The following NINJ2 variants were observed in gnomAD, a reference collection of about 807,000 sequenced individuals.
NINJ2 encodes ninjurin-2.
Under a neutral mutation model 11.7 loss-of-function variants are expected in NINJ2, and 12 were observed. That is an observed-to-expected ratio of 1.02 (90% CI 0.66 to 1.66). The LOEUF (loss-of-function observed/expected upper bound fraction) is 1.66. NINJ2 is among the 40% of genes most tolerant of loss of function. NINJ2 has a pLI of 0.00. For synonymous variants in NINJ2, 93 were observed against 76.8 expected (o/e 1.21, Z -1.10); for missense variants, 187 against 181.8 (o/e 1.03, Z -0.16).
chr12:609,565 C>T (rs1244264722), intron 1 of NINJ2, among the ~76,000 whole-genome samples: 2 of 151,906 alleles, frequency 1.3e-5, no homozygotes, highest in Non-Finnish European at 2.9e-5. Context: ...GTCAGGAGAT[C>T]GAGACCATCC....
At chr12:603,447 T>C (rs1947898570) in intron 1 of NINJ2, among the ~76,000 whole-genome samples, 1 of 152,106 alleles carries the variant, frequency 6.6e-6, no homozygotes. Context: ...ATTTTTCCTC[T>C]GTTACAGTGC....
At chr12:618,095 G>A (rs1486782158) in intron 1 of NINJ2, among the ~76,000 whole-genome samples, 1 of 151,638 alleles carries the variant, frequency 6.6e-6, no homozygotes, top group African/African-American at 2.4e-5. Context: ...AGGGTGCTAG[G>A]TGGCAGCAAC....
intron 2 of NINJ2, 101 bp downstream of exon 2, chr12:565,849 G>A: frequency 9.7e-7 from 1 of 1,028,466 alleles, no homozygotes; most frequent in Non-Finnish European, 1.5e-6. Context: ...TGGTTGCAAA[G>A]CTGCCTGTGC....
chr12:639,902 C>G (rs1342588043), intron 1 of NINJ2, among the ~76,000 whole-genome samples: 1 of 152,152 alleles, frequency 6.6e-6, no homozygotes, highest in Non-Finnish European at 1.5e-5. Flanking sequence ...TATAAGGTTC[C>G]TAGGATTCTG....
chr12:577,439 A>ATGTATATATATATATACATATATATGTG (rs1947481992), intron 1 of NINJ2, among the ~76,000 whole-genome samples: 1 of 63,760 alleles, frequency 1.6e-5, no homozygotes, highest in African/African-American at 5.1e-5. Flanking sequence ...ACATATATAT[A>ATGTATATATATATATACATATATATGTG]TATAAATATT....
chr12:566,881 G>A (rs983396491), intron 1 of NINJ2, among the ~76,000 whole-genome samples: 5 of 152,208 alleles, frequency 3.3e-5, no homozygotes, highest in African/African-American at 4.8e-5. Flanking sequence ...TTCTCCAGAA[G>A]CCACTAACTC....
intron 1 of NINJ2, among the ~76,000 whole-genome samples, chr12:620,683 G>T (rs1948143633): frequency 6.6e-6 from 1 of 152,176 alleles, no homozygotes; most frequent in Non-Finnish European, 1.5e-5. Context: ...AGGCTGGAGT[G>T]CAGTGGCGCA....
chr12:621,623 C>T (rs1172080215), intron 1 of NINJ2, among the ~76,000 whole-genome samples: 1 of 147,914 alleles, frequency 6.8e-6, no homozygotes, highest in Non-Finnish European at 1.5e-5. Context: ...TCAAGACCAT[C>T]CTGGCCAACA....
intron 1 of NINJ2, among the ~76,000 whole-genome samples, chr12:570,466 A>G (rs1947361191): frequency 6.6e-6 from 1 of 152,072 alleles, no homozygotes; most frequent in African/African-American, 2.4e-5. Context: ...ACTGGGAGCA[A>G]CTCCACAGGG....
At position 629,896 on chromosome 12, in the gene NINJ2, A is replaced by AATATATAT. The variant is rs1160871577; in HGVS notation, c.33+33424_33+33431dup. Among the ~76,000 whole-genome samples, 63 of 9,842 alleles carry AATATATAT rather than the reference A, an allele frequency of 6.4e-3. 2 individuals are homozygous for AATATATAT. In the East Asian group the frequency reaches 0.065, roughly 10 times the overall value. The allele number at this position is 9,842 out of a possible 152,430, so 6.5% of individuals were successfully genotyped here. On this transcript the variant is annotated intron_variant, in intron 1 of 3. Transcript: ENST00000305108. ...GAGCAAAACTCAAAAAAAAAAAAAAAATATATATATATATATATATATATA... is the reference window on the plus strand; with the variant it reads ...GAGCAAAACTCAAAAAAAAAAAAAAAATATATATATATATATATATATATATATATATA...
chr12:624,023 G>A (rs1372960717), intron 1 of NINJ2, among the ~76,000 whole-genome samples: 3 of 152,132 alleles, frequency 2.0e-5, no homozygotes, highest in South Asian at 2.1e-4. Flanking sequence ...GTGACAGAGC[G>A]AGACTCTGTC....
chr12:624,651 T>C (rs1350694374), intron 1 of NINJ2, among the ~76,000 whole-genome samples: 3 of 151,358 alleles, frequency 2.0e-5, no homozygotes, highest in African/African-American at 7.3e-5. Flanking sequence ...CTACTAAAAA[T>C]ACAAACAATT....
intron 1 of NINJ2, among the ~76,000 whole-genome samples, chr12:641,620 G>T (rs1332243087): frequency 6.6e-6 from 1 of 152,094 alleles, no homozygotes; most frequent in African/African-American, 2.4e-5. Context: ...CGAGGCAGGC[G>T]GATCACAAGG....
intron 1 of NINJ2, among the ~76,000 whole-genome samples, chr12:631,585 A>G (rs554423661): frequency 1.3e-5 from 2 of 151,958 alleles, no homozygotes; most frequent in Non-Finnish European, 2.9e-5. Context: ...GATGGTTTCT[A>G]TCTCTTGACC....
intron 1 of NINJ2, among the ~76,000 whole-genome samples, chr12:601,366 G>A (rs1163714223): frequency 6.6e-6 from 1 of 151,540 alleles, no homozygotes; most frequent in Admixed American, 6.6e-5. Context: ...CTAACACAGT[G>A]AAACCCCGTC....
chr12:638,287 C>T (rs1022199346), intron 1 of NINJ2, among the ~76,000 whole-genome samples: 2 of 152,250 alleles, frequency 1.3e-5, no homozygotes, highest in East Asian at 1.9e-4. Flanking sequence ...TAAATTTCCT[C>T]TCTACTCCAG....
In NINJ2 at chr12:565,330, C is replaced by G; in HGVS notation, c.334G>C (p.Val112Leu). 1 of 1,614,202 alleles carries G rather than the reference C, an allele frequency of 6.2e-7. No homozygotes were observed. Among genetic ancestry groups the G allele is most frequent in the Non-Finnish European group, 8.5e-7 (1 of 1,180,030 alleles). The change falls in exon 3 of 4, where the codon GTC becomes CTC. Residue 112 changes from valine to leucine, a missense_variant. Transcript: ENST00000305108. ...NQLNNAATIL[V>L]FFTVVINVFI... ...ACATTGATGACCACAGTGAAGAAGACCAAGATGGTGGCTGCGTTGTTGAGC... is the reference window on the plus strand; with the variant it reads ...ACATTGATGACCACAGTGAAGAAGAGCAAGATGGTGGCTGCGTTGTTGAGC...
chr12:601,473 G>A (rs1243176696), intron 1 of NINJ2, among the ~76,000 whole-genome samples: 2 of 151,960 alleles, frequency 1.3e-5, no homozygotes, highest in Non-Finnish European at 2.9e-5. Context: ...GTGTGAACCT[G>A]GGAGGCGGAG....
intron 1 of NINJ2, among the ~76,000 whole-genome samples, chr12:624,187 C>T (rs1443410564): frequency 1.3e-5 from 2 of 152,200 alleles, no homozygotes; most frequent in Non-Finnish European, 1.5e-5. Context: ...AATGTTACCC[C>T]ACTGGGTTCA....
Sources: gnomAD v4.1 joint callset for allele counts (sites outside exome capture counted in the v4.1 genomes callset) on GRCh38, gnomAD v4.1.1 for gene constraint, MANE v1.5 for transcripts, NCBI Gene and HGNC (gene_info 2026-07-23, HGNC 2026-07-21) for gene names.